The following ABCF3 variants were observed in gnomAD, a reference collection of about 807,000 sequenced individuals.
ABCF3 encodes ATP-binding cassette sub-family F member 3.
A neutral mutation model predicts 94.3 loss-of-function variants in ABCF3; 62 were observed. The ratio of observed to expected loss-of-function variants is 0.66; its 90% CI spans 0.54 to 0.81. The LOEUF is 0.81. Ranked by LOEUF, ABCF3 falls within the 40% of genes least tolerant of loss-of-function variation. ABCF3 has a pLI of 0.00. For synonymous variants in ABCF3, 355 were observed against 361.1 expected (o/e 0.98, Z 0.19); for missense variants, 843 against 925.3 (o/e 0.91, Z 1.15).
chr3:184,190,362 A>G, intron 14 of ABCF3: 1 of 196,576 alleles, frequency 5.1e-6, no homozygotes, highest in Non-Finnish European at 1.1e-5. Flanking sequence ...GGTTGTTTCC[A>G]TTTTGGTTAT....
chr3:184,186,632 C>G lies in ABCF3; in HGVS notation c.199C>G (p.Arg67Gly). Residue 67 changes from arginine (R) to glycine (G), a missense_variant, in exon 2 of 21, where the codon CGC becomes GGC. By Grantham distance (125) the Arg-to-Gly change is moderately radical. Coordinates refer to ENST00000429586, the MANE Select transcript of ABCF3 (RefSeq NM_018358.3). ...CGCGGGCATCAGGGCCGTGTGCCAG[C>G]GCATGTACAACACTCTGCGTCTGTA... Reference protein sequence around the residue: ...DDAGIRAVCQRMYNTLRLAEP... With the variant: ...DDAGIRAVCQGMYNTLRLAEP... The G allele has an allele frequency of 6.2e-7, 1 of 1,611,416 alleles. No individual in the cohort carries two copies. The highest frequency in any genetic ancestry group is 8.5e-7 in the Non-Finnish European group (1 of 1,178,626).
rs759048885 is a variant in ABCF3, at chr3:184,188,425, G to A, written c.836+18G>A. On this transcript the variant is annotated intron_variant, in intron 7 of 20. Transcript: ENST00000429586. ...GCTGGCAGGTGAGGACTCCCGGCTAGGGAGTAACTAGCAGCCGCTGTCGCT... is the reference window on the plus strand; with the variant it reads ...GCTGGCAGGTGAGGACTCCCGGCTAAGGAGTAACTAGCAGCCGCTGTCGCT... 12 of 1,595,438 alleles carry A rather than the reference G, an allele frequency of 7.5e-6. No individual in the cohort carries two copies. The highest frequency in any genetic ancestry group is 3.3e-4 in the Middle Eastern group (2 of 5,998).
intron 14 of ABCF3, 56 bp from the exon 15 acceptor site, chr3:184,190,943 T>A: frequency 6.3e-7 from 1 of 1,592,366 alleles, no homozygotes; most frequent in South Asian, 1.1e-5. Flanking sequence ...ATATTACTCG[T>A]GTAGGAAGTT....
rs1465358336 is a variant in ABCF3 at position 184,186,815 on chromosome 3, G to A, written c.241G>A (p.Gly81Arg). 1.9e-5 allele frequency: 31 copies of A among 1,613,912 alleles called. No individual in the cohort carries two copies. The highest frequency in any genetic ancestry group is 2.6e-5 in the Non-Finnish European group (31 of 1,180,000). The change falls in exon 3 of 21, where the codon GGA (glycine) becomes AGA (arginine). Residue 81 changes from glycine to arginine, a missense_variant. Coordinates refer to ENST00000429586, the MANE Select transcript of ABCF3 (RefSeq NM_018358.3). Reference protein sequence around the residue: ...TLRLAEPQSQGNSQVLLDAPI... With the variant: ...TLRLAEPQSQRNSQVLLDAPI... ...ACATAGGGCTGAGCCACAAAGCCAG[G>A]GAAATAGCCAGGTGCTACTGGACGC...
Position 184,193,254 on chromosome 3 carries a change from A to G in ABCF3, c.1883+20A>G. 6.3e-7 allele frequency: 1 copy of G among 1,578,414 alleles called. No individual in the cohort carries two copies. Among genetic ancestry groups the G allele is most frequent in the Non-Finnish European group, 8.6e-7 (1 of 1,162,468 alleles). ...GCCCTGGTGAGGCCTCATTTTCCAG[A>G]GCTCTTCCCCTCCCATTTCCCCTTC... is the stretch of plus-strand genomic sequence containing the variant. On this transcript the variant is annotated intron_variant, in intron 19 of 20. Transcript: ENST00000429586. This position sits in a 1 kb window ranked among gnomAD's most constrained non-coding sequence, Gnocchi z 5.2.
rs1217968063 is a variant in ABCF3 at position 184,193,097 on chromosome 3, T to C, written c.1751-5T>C. The C allele has an allele frequency of 1.3e-6, 2 of 1,534,600 alleles. No homozygotes were observed. Among genetic ancestry groups the C allele is most frequent in the African/African-American group, 1.4e-5 (1 of 72,300 alleles). ...AGCCACCTGATCTGGGGAGTCCTTT[T>C]CCAGGGCGGCCTGAGGAGGAGTACC... On this transcript the variant is annotated splice_region_variant and splice_polypyrimidine_tract_variant and intron_variant, in intron 18 of 20. Transcript: ENST00000429586. The surrounding 1 kb of genome is among the most constrained non-coding windows in gnomAD (Gnocchi z 5.2).
chr3:184,189,593 C>A lies in ABCF3; in HGVS notation c.1150C>A (p.Arg384Ser), dbSNP rs760528913. Residue 384 changes from arginine to serine, a missense_variant, in exon 13 of 21, where the codon CGC (arginine) becomes AGC (serine). Arg to Ser is a moderately radical substitution (Grantham distance 110, BLOSUM62 -1). Transcript: ENST00000429586. The part of the protein sequence containing the change: ...PSTILVVSHD[R>S]NFLNAIATDI... ...CACCATCCTAGTCGTCTCCCACGACCGCAACTTCTTGAATGCCATCGCCAC... is the reference window on the plus strand; with the variant it reads ...CACCATCCTAGTCGTCTCCCACGACAGCAACTTCTTGAATGCCATCGCCAC... 1 of 1,614,178 alleles carries A rather than the reference C, an allele frequency of 6.2e-7. No homozygotes were observed. The highest frequency in any genetic ancestry group is 1.1e-5 in the South Asian group (1 of 91,078).
In ABCF3 at chr3:184,192,897, G is replaced by A; in HGVS notation, c.1750+1G>A. The stretch of plus-strand genomic sequence containing the variant: ...GAACTGCTGGCACGCAAGTTTCCTG[G>A]TGAGTTAGGGATTTGAGTCGGGGGA... On this transcript the variant is annotated splice_donor_variant, in intron 18 of 20. Coordinates refer to ENST00000429586, the MANE Select transcript of ABCF3 (RefSeq NM_018358.3). LOFTEE classifies it high-confidence loss of function. 1.2e-6 allele frequency: 2 copies of A among 1,613,956 alleles called. No homozygotes were observed. Among genetic ancestry groups the A allele is most frequent in the Non-Finnish European group, 1.7e-6 (2 of 1,179,944 alleles).
chr3:184,193,022 G>C lies in ABCF3; in HGVS notation c.1751-80G>C, dbSNP rs1032009760. ...CCGCCAAGCCTAGATGGAAGGACAT[G>C]GGGACTTGGAGGTGTGGCTGGAGGG... On this transcript the variant is annotated intron_variant, in intron 18 of 20. Coordinates refer to ENST00000429586, the MANE Select transcript of ABCF3 (RefSeq NM_018358.3). The surrounding 1 kb of genome is among the most constrained non-coding windows in gnomAD (Gnocchi z 5.2). The C allele has an allele frequency of 1.3e-5, 20 of 1,550,990 alleles. No homozygotes were observed. Among genetic ancestry groups the C allele is most frequent in the Non-Finnish European group, 1.7e-5 (20 of 1,146,600 alleles).
In ABCF3 at chr3:184,187,145, C is replaced by G. The variant is rs544487318; in HGVS notation, c.302-252C>G. The G allele has an allele frequency of 1.6e-5, 10 of 632,004 alleles. No homozygotes were observed. In the Admixed American group the frequency reaches 2.8e-4, roughly 17 times the overall value. The allele number at this position is 632,004 out of a possible 1,614,324, so 39.1% of individuals were successfully genotyped here. On this transcript the variant is annotated intron_variant, in intron 3 of 20. Coordinates refer to ENST00000429586, the MANE Select transcript of ABCF3 (RefSeq NM_018358.3). ...CACCCCCAGTTTTGCAACTTGCTAA[C>G]CAGCTGCATGATCTTGTAAGAGTTG...
At chr3:184,192,206 A>G (rs1229137184) in intron 16 of ABCF3, among the ~76,000 whole-genome samples, 1 of 152,168 alleles carries the variant, frequency 6.6e-6, no homozygotes, top group Admixed American at 6.5e-5. Context: ...TGATACTTCC[A>G]TGCATGTATA....
rs1379081149 is a variant in ABCF3, at chr3:184,187,700, C to G, written c.385C>G (p.Arg129Gly). 1 of 1,614,044 alleles carries G rather than the reference C, an allele frequency of 6.2e-7. No homozygotes were observed. Among genetic ancestry groups the G allele is most frequent in the Non-Finnish European group, 8.5e-7 (1 of 1,180,052 alleles). ...AAAGAAGTTAGAGAAGGCCGAGGCT[C>G]GACTTAAGGCAAAGCAGGAGAAGCG... ...NAKKLEKAEARLKAKQEKRSE... is the reference protein window; with the variant it reads ...NAKKLEKAEAGLKAKQEKRSE... Residue 129 changes from arginine (R) to glycine (G), a missense_variant, in exon 5 of 21, where the codon CGA becomes GGA. Arg to Gly is a moderately radical substitution (Grantham distance 125). Transcript: ENST00000429586.
chr3:184,189,522 T>C lies in ABCF3; in HGVS notation c.1114-35T>C, dbSNP rs547710049. 32 of 1,613,546 alleles carry C rather than the reference T, an allele frequency of 2.0e-5. No individual in the cohort carries two copies. The South Asian group carries it at 3.1e-4, about 16-fold the overall frequency. Reference sequence around the variant, plus strand: ...CTGGGGGCCTGAGAACTGACTGCCCTCCCAAACCGGGCCTGCTGTCCTGTG... The same window carrying C: ...CTGGGGGCCTGAGAACTGACTGCCCCCCCAAACCGGGCCTGCTGTCCTGTG... On this transcript the variant is annotated intron_variant, in intron 12 of 20. Coordinates refer to ENST00000429586, the MANE Select transcript of ABCF3 (RefSeq NM_018358.3).
chr3:184,189,868 G>T lies in ABCF3; in HGVS notation c.1328G>T (p.Arg443Leu). Residue 443 changes from arginine to leucine, a missense_variant, in exon 14 of 21, where the codon CGG becomes CTG. Physicochemically the swap from Arg to Leu is moderately radical, Grantham distance 102 (BLOSUM62 -2). Coordinates refer to ENST00000429586, the MANE Select transcript of ABCF3 (RefSeq NM_018358.3). ...CTCCACCTGCAGGTTTTCATTGACC[G>T]GTTTCGCTACAATGCCAACAGGGCC... ...YRQHIQVFID[R>L]FRYNANRASQ... The T allele has an allele frequency of 6.2e-7, 1 of 1,614,192 alleles. No homozygotes were observed.
rs185517039 is a variant in ABCF3, at chr3:184,192,480, T to G, written c.1570-121T>G. On this transcript the variant is annotated intron_variant, in intron 16 of 20. Transcript: ENST00000429586. Reference sequence around the variant, plus strand: ...CCCCCTTATCCTTCCCAGCCTCTAGTAACCACAACTCTGCTCTCTACTTCT... The same window carrying G: ...CCCCCTTATCCTTCCCAGCCTCTAGGAACCACAACTCTGCTCTCTACTTCT... The G allele has an allele frequency of 9.6e-4, 910 of 949,778 alleles. 1 individual carries two copies. The highest frequency in any genetic ancestry group is 9.1e-4 in the Middle Eastern group (3 of 3,314). 58.8% of individuals were successfully genotyped at this position (949,778 alleles called of 1,614,324 possible).
At chr3:184,190,945 T>C (rs573734855) in intron 14 of ABCF3, 54 bp from the exon 15 acceptor site, 2 of 1,596,546 alleles carry the variant, frequency 1.3e-6, no homozygotes, top group South Asian at 1.1e-5. Context: ...ATTACTCGTG[T>C]AGGAAGTTAT....
chr3:184,191,821 C>T (rs1339871808), intron 16 of ABCF3, among the ~76,000 whole-genome samples: 8 of 147,092 alleles, frequency 5.4e-5, no homozygotes, highest in African/African-American at 2.0e-4. Flanking sequence ...AATCTTGGCT[C>T]ACCGCAGCTT....
chr3:184,190,760 A>G (rs535431591), intron 14 of ABCF3: 2 of 484,990 alleles, frequency 4.1e-6, no homozygotes, highest in Admixed American at 7.4e-5. Context: ...TTAAAATCAT[A>G]AAGCTTAGAT....
rs1716154872 is a variant in ABCF3 at position 184,193,437 on chromosome 3, C to T, written c.1956C>T (p.Ala652=). The T allele has an allele frequency of 1.2e-6, 2 of 1,614,160 alleles. No individual in the cohort carries two copies. Among genetic ancestry groups the T allele is most frequent in the Non-Finnish European group, 1.7e-6 (2 of 1,180,030 alleles). ...DMETIEALGR[A]LNNFRGGVIL... ...AGACCATTGAGGCTCTGGGCCGTGC[C>T]CTCAACAATTTCAGGGTGAGTGTGC... Residue 652 remains alanine, a synonymous_variant, in exon 20 of 21, where the codon GCC becomes GCT. Coordinates refer to ENST00000429586, the MANE Select transcript of ABCF3 (RefSeq NM_018358.3). The surrounding 1 kb of genome is among the most constrained non-coding windows in gnomAD (Gnocchi z 5.2).
Sources: gnomAD v4.1 joint callset for allele counts (sites outside exome capture counted in the v4.1 genomes callset) on GRCh38, gnomAD v4.1.1 for gene constraint, Gnocchi (gnomAD v3.1) non-coding constraint, MANE v1.5 for transcripts, NCBI Gene and HGNC (gene_info 2026-07-23, HGNC 2026-07-21) for gene names.